Variants in PKHD1L1 observed in about 807,000 individuals in gnomAD.
PKHD1L1 encodes the protein PKHD1 like 1.
A neutral mutation model predicts 462.9 loss-of-function variants in PKHD1L1; 434 were observed. The observed-to-expected ratio is 0.94, with a 90% CI of 0.87 to 1.02. The LOEUF (loss-of-function observed/expected upper bound fraction) is 1.02. PKHD1L1 is among the 50% of genes least tolerant of loss of function. The pLI, the probability that PKHD1L1 is intolerant of heterozygous loss-of-function variation, is 0.00. For synonymous variants in PKHD1L1, 1,781 were observed against 1,750.0 expected (o/e 1.02, Z -0.44); for missense variants, 5,202 against 5,096.1 (o/e 1.02, Z -0.63).
intron 32 of PKHD1L1, among the ~76,000 whole-genome samples, chr8:109,440,369 A>G (rs907105028): frequency 1.3e-4 from 20 of 152,162 alleles, no homozygotes; most frequent in African/African-American, 4.1e-4. Context: ...TTTTTGTTTT[A>G]GTTTAATGAA....
chr8:109,435,563 C>A (rs868189998), intron 29 of PKHD1L1, among the ~76,000 whole-genome samples: 1 of 152,198 alleles, frequency 6.6e-6, no homozygotes, highest in Non-Finnish European at 1.5e-5. Context: ...CTTATACTTA[C>A]ATCTTAGGTT....
chr8:109,485,206 T>A, intron 58 of PKHD1L1, 33 bp downstream of exon 58: 1 of 1,465,094 alleles, frequency 6.8e-7, no homozygotes, highest in Non-Finnish European at 9.2e-7. Flanking sequence ...AATAGATATA[T>A]AATTGTGTTG....
chr8:109,372,559 G>A (rs1811570796), intron 2 of PKHD1L1, among the ~76,000 whole-genome samples: 1 of 152,206 alleles, frequency 6.6e-6, no homozygotes, highest in Non-Finnish European at 1.5e-5. Flanking sequence ...GGAGTGGTGA[G>A]AGAGGGCATC....
rs375227242 is a variant in PKHD1L1, at chr8:109,452,725, C to T, written c.6515C>T (p.Ala2172Val). 2.2e-4 allele frequency: 332 copies of T among 1,526,692 alleles called. No individual in the cohort carries two copies. Among genetic ancestry groups the T allele is most frequent in the Middle Eastern group, 3.4e-4 (2 of 5,934 alleles). 94.6% of individuals were successfully genotyped at this position (1,526,692 alleles called of 1,614,324 possible). The part of the protein sequence containing the change: ...RGVGMAKLDN[A>V]DFLYVDAWSS... Reference sequence around the variant, plus strand: ...TCTTATGTTCTATTACAGGATAATGCTGACTTTCTTTATGTTGATGCCTGG... The same window carrying T: ...TCTTATGTTCTATTACAGGATAATGTTGACTTTCTTTATGTTGATGCCTGG... The change falls in exon 43 of 78, where the codon GCT (alanine) becomes GTT (valine). Residue 2172 changes from alanine to valine, a missense_variant. Physicochemically the swap from Ala to Val is moderately conservative, Grantham distance 64. Around this residue, in one of 3 missense-constraint regions of PKHD1L1, gnomAD observed 4,497 missense variants for 4,336.8 expected, o/e 1.04. Coordinates refer to ENST00000378402, the MANE Select transcript of PKHD1L1 (RefSeq NM_177531.6).
At chr8:109,514,852 T>G (rs1028375794) in intron 71 of PKHD1L1, among the ~76,000 whole-genome samples, 1 of 152,140 alleles carries the variant, frequency 6.6e-6, no homozygotes, top group Admixed American at 6.5e-5. Context: ...CCTCTTTCCC[T>G]GCTCCTGATA....
chr8:109,466,748 G>A lies in PKHD1L1; in HGVS notation c.8584G>A (p.Val2862Met), dbSNP rs1178477607. 4 of 1,612,482 alleles carry A rather than the reference G, an allele frequency of 2.5e-6. No homozygotes were observed. Among genetic ancestry groups the A allele is most frequent in the Non-Finnish European group, 3.4e-6 (4 of 1,179,344 alleles). The stretch of plus-strand genomic sequence containing the variant: ...TCCAGTATCTCTGCTTGAAAAGGAT[G>A]TGGTTCTTTCAGACTCTTTTGGTAA... ...PSPVSLLEKD[V>M]VLSDSFGTSI... The change falls in exon 50 of 78, where the codon GTG becomes ATG. Residue 2862 changes from valine to methionine, a missense_variant. Physicochemically the swap from Val to Met is conservative, Grantham distance 21. Coordinates refer to ENST00000378402, the MANE Select transcript of PKHD1L1 (RefSeq NM_177531.6).
chr8:109,414,618 A>T (rs1814036199), intron 21 of PKHD1L1, among the ~76,000 whole-genome samples: 2 of 152,104 alleles, frequency 1.3e-5, no homozygotes, highest in South Asian at 4.1e-4. Context: ...GGAGAGCATT[A>T]TTCTATTATA....
At chr8:109,432,521 T>C (rs1417513056) in intron 27 of PKHD1L1, among the ~76,000 whole-genome samples, 1 of 152,194 alleles carries the variant, frequency 6.6e-6, no homozygotes, top group African/African-American at 2.4e-5. Context: ...ATTATCTATC[T>C]ATCTATCCAT....
intron 54 of PKHD1L1, 96 bp downstream of exon 54, chr8:109,479,735 A>G (rs1630134): frequency 0.35 from 332,870 of 940,802 alleles, 61,297 homozygotes; most frequent in South Asian, 0.54. Flanking sequence ...ACACCTTTCC[A>G]AAAGAGCAAG....
intron 65 of PKHD1L1, among the ~76,000 whole-genome samples, chr8:109,497,689 G>C (rs1328741436): frequency 1.3e-5 from 2 of 152,098 alleles, no homozygotes; most frequent in Non-Finnish European, 2.9e-5. Flanking sequence ...GCCTCACAAA[G>C]TGCTGGGATT....
At chr8:109,512,039 GTTGT>G (rs1378306050) in intron 71 of PKHD1L1, among the ~76,000 whole-genome samples, 2 of 151,922 alleles carry the variant, frequency 1.3e-5, no homozygotes, top group Non-Finnish European at 2.9e-5. Context: ...TTTTGATGGG[GTTGT>G]TTGTTTTTTT....
intron 33 of PKHD1L1, 145 bp from the exon 34 acceptor site, chr8:109,441,130 G>C: frequency 1.5e-6 from 1 of 654,192 alleles, no homozygotes; most frequent in South Asian, 2.6e-5. Flanking sequence ...TATCAGAAAA[G>C]AAGTTCTGAA....
At position 109,480,098 on chromosome 8, in the gene PKHD1L1, T is replaced by C. The variant is rs1387934650; in HGVS notation, c.9286T>C (p.Tyr3096His). The change falls in exon 55 of 78, where the codon TAC (tyrosine) becomes CAC (histidine). Residue 3096 changes from tyrosine to histidine, a missense_variant. By Grantham distance (83) the Tyr-to-His change is moderately conservative. This residue lies in a region of PKHD1L1 where 4,497 missense variants were observed against 4,336.8 expected (regional missense o/e 1.04). Coordinates refer to ENST00000378402, the MANE Select transcript of PKHD1L1 (RefSeq NM_177531.6). Reference sequence around the variant, plus strand: ...CAATGTAGGAGCTGCAGAATCTTCTTACAGAGAAGTTGTTTTGAATGCTAC... The same window carrying C: ...CAATGTAGGAGCTGCAGAATCTTCTCACAGAGAAGTTGTTTTGAATGCTAC... ...KYNVGAAESS[Y>H]REVVLNATYI... 3.8e-6 allele frequency: 6 copies of C among 1,578,042 alleles called. No homozygotes were observed. The highest frequency in any genetic ancestry group is 1.2e-5 in the South Asian group (1 of 85,620).
intron 50 of PKHD1L1, among the ~76,000 whole-genome samples, chr8:109,467,752 C>G (rs912090018): frequency 2.0e-5 from 3 of 152,088 alleles, no homozygotes; most frequent in Admixed American, 2.0e-4. Flanking sequence ...ATGGAAAAAG[C>G]ATTGATGAAT....
intron 15 of PKHD1L1, 70 bp downstream of exon 15, chr8:109,404,783 A>T: frequency 1.4e-6 from 2 of 1,401,270 alleles, no homozygotes; most frequent in Non-Finnish European, 1.9e-6. Context: ...TTGATTATTA[A>T]TTTTACTAGG....
chr8:109,415,781 C>A (rs1474617403), intron 21 of PKHD1L1, among the ~76,000 whole-genome samples: 1 of 150,484 alleles, frequency 6.6e-6, no homozygotes, highest in Admixed American at 6.6e-5. Context: ...CCGGGAGATC[C>A]AGGCTGCAGT....
At chr8:109,397,567 G>A (rs1004345723) in intron 11 of PKHD1L1, among the ~76,000 whole-genome samples, 7 of 152,096 alleles carry the variant, frequency 4.6e-5, no homozygotes, top group South Asian at 2.1e-4. Context: ...GCACATGCCC[G>A]TAGTTCCAGC....
intron 57 of PKHD1L1, 74 bp from the exon 58 acceptor site, chr8:109,484,970 T>C (rs1456072924): frequency 3.2e-6 from 4 of 1,256,738 alleles, no homozygotes; most frequent in South Asian, 1.6e-5. Context: ...ATTTGAATGA[T>C]TTAATAATGA....
intron 21 of PKHD1L1, among the ~76,000 whole-genome samples, chr8:109,415,862 G>GGGGT (rs762148643): frequency 1.2e-5 from 1 of 83,922 alleles, no homozygotes; most frequent in African/African-American, 6.1e-5. Flanking sequence ...AAAAAAAAAA[G>GGGGT]GGGTGTGTGT....
Sources: allele counts gnomAD v4.1 joint callset (sites outside exome capture counted in the v4.1 genomes callset), GRCh38; gene constraint gnomAD v4.1.1; regional missense constraint gnomAD v4.1.1; transcripts MANE v1.5; gene names NCBI Gene and HGNC (gene_info 2026-07-23, HGNC 2026-07-21).